Variants in FGF12 observed in about 807,000 individuals in gnomAD.
FGF12 encodes the protein fibroblast growth factor 12B.
A neutral mutation model predicts 23.6 loss-of-function variants in FGF12; 14 were observed. The observed-to-expected ratio is 0.59, with a 90% CI of 0.39 to 0.93. The LOEUF (loss-of-function observed/expected upper bound fraction) is 0.93. FGF12 is among the 40% of genes least tolerant of loss of function. FGF12 has a pLI of 0.00. For synonymous variants in FGF12, 62 were observed against 77.3 expected, an observed-to-expected ratio of 0.80 and a Z score of 1.04; for missense variants, 175 against 217.8, an observed-to-expected ratio of 0.80 and a Z score of 1.24.
At chr3:192,453,912 G>A (rs1458399922) in intron 2 of FGF12, among the ~76,000 whole-genome samples, 1 of 151,994 alleles carries the variant, frequency 6.6e-6, no homozygotes, top group Non-Finnish European at 1.5e-5. Flanking sequence ...TAATATCTAT[G>A]TAAATAATAC....
At chr3:192,165,359 T>A (rs1352764721) in intron 5 of FGF12, among the ~76,000 whole-genome samples, 2 of 152,304 alleles carry the variant, frequency 1.3e-5, no homozygotes, top group East Asian at 3.9e-4. Context: ...AGCTGTAATT[T>A]ATTTTTTCAA....
chr3:192,485,012 T>A (rs1411337902), intron 2 of FGF12, among the ~76,000 whole-genome samples: 1 of 152,094 alleles, frequency 6.6e-6, no homozygotes, highest in Non-Finnish European at 1.5e-5. Flanking sequence ...TTTAAAATTT[T>A]AAATTTTATA....
intron 2 of FGF12, among the ~76,000 whole-genome samples, chr3:192,640,076 T>A (rs1212585092): frequency 6.6e-6 from 1 of 150,756 alleles, no homozygotes; most frequent in Non-Finnish European, 1.5e-5. Flanking sequence ...GGGATGGGAA[T>A]GGGGGAAGGA....
At chr3:192,246,879 G>A (rs1711623073) in intron 4 of FGF12, among the ~76,000 whole-genome samples, 1 of 146,220 alleles carries the variant, frequency 6.8e-6, no homozygotes, top group Non-Finnish European at 1.5e-5. Context: ...GAAAGAAAGA[G>A]AGAGAAAGAG....
At chr3:192,522,035 A>G (rs1724827794) in intron 2 of FGF12, among the ~76,000 whole-genome samples, 1 of 152,110 alleles carries the variant, frequency 6.6e-6, no homozygotes, top group Admixed American at 6.5e-5. Flanking sequence ...CATCTCTACT[A>G]AAAATAGTAA....
intron 4 of FGF12, among the ~76,000 whole-genome samples, chr3:192,234,755 T>C (rs188038055): frequency 9.2e-5 from 14 of 152,276 alleles, no homozygotes; most frequent in Admixed American, 8.5e-4. Flanking sequence ...AGGGATGTGA[T>C]GTTGAATTTT....
chr3:192,236,149 C>T (rs1420905516), intron 4 of FGF12, among the ~76,000 whole-genome samples: 3 of 152,082 alleles, frequency 2.0e-5, no homozygotes, highest in African/African-American at 7.2e-5. Flanking sequence ...TGTTTAATTT[C>T]CATGTAATTG....
chr3:192,435,992 A>T (rs191928381), intron 2 of FGF12, among the ~76,000 whole-genome samples: 2 of 152,356 alleles, frequency 1.3e-5, no homozygotes, highest in Admixed American at 6.5e-5. Flanking sequence ...AACACACCAC[A>T]GCGAATACGT....
At chr3:192,342,921 A>C (rs1268330242) in intron 3 of FGF12, among the ~76,000 whole-genome samples, 1 of 152,194 alleles carries the variant, frequency 6.6e-6, no homozygotes, top group African/African-American at 2.4e-5. Context: ...GGTAACAGTC[A>C]ATCCAAAACA....
intron 2 of FGF12, among the ~76,000 whole-genome samples, chr3:192,502,009 A>G (rs1279556891): frequency 2.0e-5 from 3 of 152,214 alleles, no homozygotes; most frequent in Admixed American, 6.5e-5. Flanking sequence ...AGGGTGACCA[A>G]TGAGGCTGGC....
intron 2 of FGF12, among the ~76,000 whole-genome samples, chr3:192,504,746 G>A (rs1724243630): frequency 6.6e-6 from 1 of 152,106 alleles, no homozygotes; most frequent in South Asian, 2.1e-4. Context: ...CAAAGATGAG[G>A]CGGGGATTCT....
intron 4 of FGF12, among the ~76,000 whole-genome samples, chr3:192,216,310 C>T (rs1245058671): frequency 6.6e-6 from 1 of 152,168 alleles, no homozygotes; most frequent in Non-Finnish European, 1.5e-5. Context: ...CATTTGTTAT[C>T]TACCCCCTGG....
At chr3:192,347,633 G>A (rs1353364167) in intron 3 of FGF12, among the ~76,000 whole-genome samples, 1 of 152,132 alleles carries the variant, frequency 6.6e-6, no homozygotes, top group Non-Finnish European at 1.5e-5. Context: ...TGCACTAGAT[G>A]TTAATCTTAT....
intron 5 of FGF12, among the ~76,000 whole-genome samples, chr3:192,167,812 A>G (rs9680892): frequency 0.81 from 87,337 of 107,950 alleles, 35,357 homozygotes; most frequent in South Asian, 0.87. Context: ...ATCTTGCTTT[A>G]TCACCCAGGC....
intron 4 of FGF12, among the ~76,000 whole-genome samples, chr3:192,297,911 C>A (rs1054083238): frequency 6.6e-6 from 1 of 152,150 alleles, no homozygotes; most frequent in Admixed American, 6.6e-5. Flanking sequence ...AACGTGTGTG[C>A]AGTTTTTAAG....
At chr3:192,527,226 CAG>C (rs1226814066) in intron 2 of FGF12, among the ~76,000 whole-genome samples, 1 of 152,170 alleles carries the variant, frequency 6.6e-6, no homozygotes, top group Non-Finnish European at 1.5e-5. Flanking sequence ...AGGCCCTCAC[CAG>C]ATGCTAGCAG....
chr3:192,210,586 G>C (rs1717877545), intron 4 of FGF12, among the ~76,000 whole-genome samples: 1 of 152,162 alleles, frequency 6.6e-6, no homozygotes, highest in Non-Finnish European at 1.5e-5. Context: ...CAGTAACCTA[G>C]GATTTTATGA....
Position 192,644,289 on chromosome 3 carries a change from T to C in FGF12, c.13+82892A>G, listed in dbSNP as rs561686218. Among the ~76,000 whole-genome samples the C allele has an allele frequency of 5.9e-5, 9 of 152,352 alleles. No homozygotes were observed. In the South Asian group the frequency reaches 1.4e-3, roughly 25 times the overall value. ...ACCTTTGGAGTCCTGGATTCTTGTA[T>C]GAATTCTTTCAGATTTTCAGATCTG... On this transcript the variant is annotated intron_variant, in intron 2 of 5. Coordinates refer to ENST00000445105, the MANE Select transcript of FGF12 (RefSeq NM_004113.6).
chr3:192,296,331 C>T (rs879540692), intron 4 of FGF12, among the ~76,000 whole-genome samples: 6 of 151,588 alleles, frequency 4.0e-5, no homozygotes, highest in African/African-American at 1.2e-4. Context: ...TCAAGTGGTC[C>T]CCCCACCTCA....
Sources: gnomAD v4.1 joint callset for allele counts (sites outside exome capture counted in the v4.1 genomes callset) on GRCh38, gnomAD v4.1.1 for gene constraint, MANE v1.5 for transcripts, NCBI Gene and HGNC (gene_info 2026-07-23, HGNC 2026-07-21) for gene names.